The following FOXP1 variants were observed in gnomAD, a reference collection of about 807,000 sequenced individuals.
FOXP1 encodes the protein forkhead box P1.
A neutral mutation model predicts 98.2 loss-of-function variants in FOXP1; 15 were observed. The observed-to-expected ratio is 0.15, with a 90% CI of 0.10 to 0.24. FOXP1 has a LOEUF of 0.24. Ranked by LOEUF, FOXP1 falls within the 10% of genes least tolerant of loss-of-function variation. The pLI is 1.00. For synonymous variants in FOXP1, 371 were observed against 314.5 expected, an observed-to-expected ratio of 1.18 and a Z score of -1.90; for missense variants, 633 against 848.5, an observed-to-expected ratio of 0.75 and a Z score of 3.15.
chr3:70,966,229 T>C (rs1197429183), intron 19 of FOXP1, 173 bp from the exon 20 acceptor site: 3 of 664,624 alleles, frequency 4.5e-6, no homozygotes, highest in Middle Eastern at 4.0e-4. Context: ...TCGTGGCACC[T>C]GTCCCAAGCT....
At chr3:71,396,363 T>A (rs2081370555) in intron 3 of FOXP1, among the ~76,000 whole-genome samples, 1 of 152,058 alleles carries the variant, frequency 6.6e-6, no homozygotes, top group African/African-American at 2.4e-5. Context: ...GGACGTTAGT[T>A]TAATCAACTC....
intron 10 of FOXP1, among the ~76,000 whole-genome samples, chr3:71,042,341 A>G (rs1323740080): frequency 6.6e-6 from 1 of 152,110 alleles, no homozygotes; most frequent in Non-Finnish European, 1.5e-5. Context: ...TGAATCCAGT[A>G]TTTTCCCCCA....
intron 5 of FOXP1, among the ~76,000 whole-genome samples, chr3:71,293,283 T>C (rs955939374): frequency 2.0e-5 from 3 of 152,190 alleles, no homozygotes; most frequent in African/African-American, 4.8e-5. Context: ...CTTTGGCAGA[T>C]AGGACAGCAA....
intron 7 of FOXP1, among the ~76,000 whole-genome samples, chr3:71,103,144 C>A (rs1248194282): frequency 6.6e-6 from 1 of 152,052 alleles, no homozygotes; most frequent in Non-Finnish European, 1.5e-5. Context: ...GCAGCCTGGT[C>A]ACATTATCTC....
At chr3:71,132,147 T>C (rs1173608910) in intron 6 of FOXP1, among the ~76,000 whole-genome samples, 2 of 152,214 alleles carry the variant, frequency 1.3e-5, no homozygotes, top group Non-Finnish European at 2.9e-5. Flanking sequence ...CTGCTCTGCG[T>C]TGCAGTATCA....
intron 3 of FOXP1, among the ~76,000 whole-genome samples, chr3:71,481,887 A>C (rs1051173315): frequency 2.0e-5 from 3 of 152,016 alleles, no homozygotes; most frequent in African/African-American, 7.3e-5. Flanking sequence ...TTTTCTACCT[A>C]GGCCTCCGTT....
chr3:71,559,393 T>C (rs2046377396), intron 2 of FOXP1, among the ~76,000 whole-genome samples: 1 of 152,218 alleles, frequency 6.6e-6, no homozygotes, highest in Admixed American at 6.5e-5. Context: ...GAACCTTCAT[T>C]TTCTCTTTGG....
chr3:71,297,270 T>C (rs1364056889), intron 5 of FOXP1, among the ~76,000 whole-genome samples: 1 of 152,186 alleles, frequency 6.6e-6, no homozygotes, highest in Non-Finnish European at 1.5e-5. Context: ...ATTTTTTTTG[T>C]AATATAGACT....
chr3:71,383,074 G>A (rs1388411530), intron 3 of FOXP1, among the ~76,000 whole-genome samples: 1 of 152,232 alleles, frequency 6.6e-6, no homozygotes, highest in Non-Finnish European at 1.5e-5. Context: ...TGAAAACTAT[G>A]AAAGATAACA....
chr3:71,112,975 G>A lies in FOXP1; in HGVS notation c.181-338C>T, dbSNP rs117376386. On this transcript the variant is annotated intron_variant, in intron 6 of 20. Coordinates refer to ENST00000649528, the MANE Select transcript of FOXP1 (RefSeq NM_001349338.3). Reference sequence around the variant, plus strand: ...GACCAGGAGGGACCCAAGCAAAGACGAAAACTTGGGAGACACTACAGGGCC... The same window carrying A: ...GACCAGGAGGGACCCAAGCAAAGACAAAAACTTGGGAGACACTACAGGGCC... 1.4e-4 allele frequency among the ~76,000 whole-genome samples: 21 copies of A among 152,182 alleles called. No individual in the cohort carries two copies. The East Asian group carries it at 1.9e-3, about 14-fold the overall frequency.
chr3:71,116,157 A>C (rs1334560566), intron 6 of FOXP1, among the ~76,000 whole-genome samples: 1 of 152,250 alleles, frequency 6.6e-6, no homozygotes, highest in East Asian at 1.9e-4. Context: ...CACACATTTC[A>C]AAATTAGCTA....
intron 5 of FOXP1, among the ~76,000 whole-genome samples, chr3:71,199,758 AT>A (rs1285017381): frequency 1.3e-5 from 2 of 150,834 alleles, no homozygotes; most frequent in Non-Finnish European, 3.0e-5. Context: ...AGAAAAAAAA[AT>A]AGGGTGCAAA....
intron 5 of FOXP1, among the ~76,000 whole-genome samples, chr3:71,230,639 T>C (rs73839462): frequency 0.027 from 4,098 of 152,258 alleles, 212 homozygotes; most frequent in African/African-American, 0.092. Flanking sequence ...GCCAAACCTG[T>C]GAGTAAAGTA....
intron 2 of FOXP1, among the ~76,000 whole-genome samples, chr3:71,537,081 G>C (rs965302436): frequency 6.6e-6 from 1 of 152,132 alleles, no homozygotes; most frequent in African/African-American, 2.4e-5. Context: ...CTAAATAAAA[G>C]GTGCCACTGG....
At chr3:71,135,064 T>G (rs2059752864) in intron 6 of FOXP1, among the ~76,000 whole-genome samples, 1 of 151,796 alleles carries the variant, frequency 6.6e-6, no homozygotes. Flanking sequence ...ATCGAGACCA[T>G]CCTGGCCAAC....
chr3:71,232,757 C>T (rs924421711), intron 5 of FOXP1, among the ~76,000 whole-genome samples: 1 of 150,084 alleles, frequency 6.7e-6, no homozygotes, highest in African/African-American at 2.5e-5. Flanking sequence ...AAAATTTAGC[C>T]AATTGCAGTG....
At chr3:71,221,802 G>T (rs186826312) in intron 5 of FOXP1, among the ~76,000 whole-genome samples, 1 of 152,146 alleles carries the variant, frequency 6.6e-6, no homozygotes, top group Admixed American at 6.5e-5. Flanking sequence ...ACAACTCTGC[G>T]TTGCAGACTC....
intron 2 of FOXP1, among the ~76,000 whole-genome samples, chr3:71,519,448 TATCTCAAATGCCAAAGCAC>T (rs2042820425): frequency 6.6e-6 from 1 of 152,170 alleles, no homozygotes; most frequent in East Asian, 1.9e-4. Context: ...TGTCTCTTCC[TATCTCAAATGCCAAAGCAC>T]AGAGCCTCCT....
chr3:71,247,650 T>G (rs2067858092), intron 5 of FOXP1, among the ~76,000 whole-genome samples: 4 of 152,206 alleles, frequency 2.6e-5, no homozygotes, highest in Admixed American at 2.6e-4. Context: ...GGATATCTGT[T>G]GTTTTTGTCT....
Sources: gnomAD v4.1 joint callset for allele counts (sites outside exome capture counted in the v4.1 genomes callset) on GRCh38, gnomAD v4.1.1 for gene constraint, MANE v1.5 for transcripts, NCBI Gene and HGNC (gene_info 2026-07-23, HGNC 2026-07-21) for gene names.